The following CERK variants were observed in gnomAD, a reference collection of about 807,000 sequenced individuals.
CERK encodes the protein acylsphingosine kinase.
Under a neutral mutation model 63.4 loss-of-function variants are expected in CERK, and 39 were observed. That is an observed-to-expected ratio of 0.61 (90% CI 0.48 to 0.80). CERK has a LOEUF of 0.80. Among genes scored for constraint, CERK ranks in the 30% least tolerant of loss-of-function variants. CERK has a pLI of 0.00. For missense variants in CERK, 670 were observed against 714.1 expected (o/e 0.94, Z 0.70); for synonymous variants, 302 against 280.0 (o/e 1.08, Z -0.78).
intron 1 of CERK, among the ~76,000 whole-genome samples, chr22:46,732,438 G>C (rs372016069): frequency 6.6e-5 from 10 of 151,914 alleles, no homozygotes; most frequent in Non-Finnish European, 1.0e-4. Context: ...TAAATTGGGT[G>C]GGGGGGACGG....
At chr22:46,735,810 C>T (rs1165952883) in intron 1 of CERK, among the ~76,000 whole-genome samples, 1 of 152,216 alleles carries the variant, frequency 6.6e-6, no homozygotes, top group African/African-American at 2.4e-5. Context: ...CCTACTATGG[C>T]CCTACTGACC....
At chr22:46,704,247 C>T (rs73180678) in intron 6 of CERK, among the ~76,000 whole-genome samples, 3 of 152,198 alleles carry the variant, frequency 2.0e-5, no homozygotes, top group East Asian at 1.9e-4. Flanking sequence ...TGCATCCCCA[C>T]GAGCACTCCT....
intron 6 of CERK, among the ~76,000 whole-genome samples, chr22:46,707,217 C>T (rs938180850): frequency 2.9e-5 from 4 of 135,920 alleles, no homozygotes; most frequent in African/African-American, 8.6e-5. Context: ...AGAGGACAGA[C>T]ACCTCGTCCC....
chr22:46,723,707 TTC>T lies in CERK; in HGVS notation c.143-2694_143-2693del, dbSNP rs532161882. On this transcript the variant is annotated intron_variant, in intron 1 of 12. Transcript: ENST00000216264. ...AAGGGTCCACTAATGTGGGGTTTTC[TTC>T]TTTTTTTTTTGTTTTTGAAATGGAG... Among the ~76,000 whole-genome samples the T allele has an allele frequency of 2.2e-4, 34 of 152,060 alleles. No individual in the cohort carries two copies. In the East Asian group the frequency reaches 6.2e-3, roughly 28 times the overall value.
chr22:46,693,601 GA>G (rs1312232816), intron 9 of CERK, 98 bp from the exon 10 acceptor site: 2 of 1,038,088 alleles, frequency 1.9e-6, no homozygotes, highest in Non-Finnish European at 2.9e-6. Flanking sequence ...TTTCACATAC[GA>G]AAAAATTCCA....
chr22:46,701,418 C>T (rs565666159), intron 7 of CERK, among the ~76,000 whole-genome samples: 1 of 152,280 alleles, frequency 6.6e-6, no homozygotes, highest in African/African-American at 2.4e-5. Context: ...TCGGCCCACA[C>T]TGGGCGTGCC....
intron 1 of CERK, among the ~76,000 whole-genome samples, chr22:46,725,468 C>G (rs1408757430): frequency 1.3e-5 from 2 of 152,122 alleles, no homozygotes; most frequent in South Asian, 4.1e-4. Context: ...ATTGCCGGCA[C>G]CAAGCAGCAT....
chr22:46,702,223 A>ATGTG (rs34222392), intron 6 of CERK, among the ~76,000 whole-genome samples: 3,268 of 84,612 alleles, frequency 0.039, 87 homozygotes, highest in Middle Eastern at 0.066. Context: ...AAATATATAT[A>ATGTG]TGTGTGTGTG....
At chr22:46,691,450 A>G (rs7285435) in intron 11 of CERK, 122 bp downstream of exon 11, 77,511 of 775,722 alleles carry the variant, frequency 0.1, 4,926 homozygotes, top group Admixed American at 0.18. Flanking sequence ...AAATTAAAAA[A>G]AAAAAAGTTT....
intron 11 of CERK, among the ~76,000 whole-genome samples, chr22:46,690,969 ATATG>A (rs749108948): frequency 1.6e-4 from 24 of 151,668 alleles, no homozygotes; most frequent in Middle Eastern, 3.2e-3. Flanking sequence ...ATGTGTGTGT[ATATG>A]TATGTATGTG....
chr22:46,690,286 G>T, intron 11 of CERK, 86 bp from the exon 12 acceptor site: 137 of 983,918 alleles, frequency 1.4e-4, no homozygotes, highest in Middle Eastern at 2.4e-4. Context: ...CTGACAGCGA[G>T]CGCTGTCAGG....
chr22:46,733,399 T>C (rs1235979459), intron 1 of CERK, among the ~76,000 whole-genome samples: 6 of 150,864 alleles, frequency 4.0e-5, no homozygotes, highest in African/African-American at 1.5e-4. Context: ...GTTCAAGAGA[T>C]TCTCGTGCCT....
At chr22:46,716,865 G>T (rs1344438995) in intron 3 of CERK, among the ~76,000 whole-genome samples, 3 of 151,942 alleles carry the variant, frequency 2.0e-5, no homozygotes, top group Non-Finnish European at 4.4e-5. Flanking sequence ...AACCCAGGAG[G>T]CAGAGGTTGC....
In CERK at chr22:46,686,855, T is replaced by C. The variant is rs1041375476; in HGVS notation, c.*279A>G. On this transcript the variant is annotated 3_prime_UTR_variant, in exon 13 of 13. Transcript: ENST00000216264. ...TAACGGGCCATTTTCTAAACTACAC[T>C]GTTGACATCGTTAAAACCTAAGAGG... 4.8e-6 allele frequency: 2 copies of C among 419,696 alleles called. No individual in the cohort carries two copies. Among genetic ancestry groups the C allele is most frequent in the African/African-American group, 4.0e-5 (2 of 50,158 alleles). The allele number at this position is 419,696 out of a possible 1,614,324, so 26.0% of individuals were successfully genotyped here. A position where few individuals can be genotyped will look rare whatever the true frequency, so the allele number is the denominator to read the frequency against.
chr22:46,717,435 C>T (rs112112324), intron 3 of CERK, among the ~76,000 whole-genome samples: 3,575 of 152,344 alleles, frequency 0.023, 36 homozygotes, highest in Non-Finnish European at 0.028. Context: ...TCACGGAATA[C>T]CATACGGCCT....
intron 1 of CERK, among the ~76,000 whole-genome samples, chr22:46,730,723 T>C (rs759067240): frequency 2.0e-5 from 3 of 152,166 alleles, no homozygotes; most frequent in Non-Finnish European, 4.4e-5. Context: ...GAAACAAATA[T>C]AAGAAGACTC....
chr22:46,715,023 T>C (rs770981261), intron 3 of CERK, among the ~76,000 whole-genome samples: 4 of 151,240 alleles, frequency 2.6e-5, no homozygotes, highest in Non-Finnish European at 5.9e-5. Flanking sequence ...TCTCAATAGA[T>C]GCAGAAAAGG....
At chr22:46,736,320 T>C (rs1856750819) in intron 1 of CERK, among the ~76,000 whole-genome samples, 1 of 152,246 alleles carries the variant, frequency 6.6e-6, no homozygotes, top group Non-Finnish European at 1.5e-5. Context: ...ACAGATGCCC[T>C]GTAAGGGTCT....
chr22:46,718,248 G>GTCT (rs1205881210), intron 3 of CERK, among the ~76,000 whole-genome samples: 5 of 152,172 alleles, frequency 3.3e-5, no homozygotes, highest in Non-Finnish European at 7.3e-5. Context: ...TCCAGTGGGA[G>GTCT]GCAGGGTTCA....
Sources: gnomAD v4.1 joint callset for allele counts (sites outside exome capture counted in the v4.1 genomes callset) on GRCh38, gnomAD v4.1.1 for gene constraint, MANE v1.5 for transcripts, NCBI Gene and HGNC (gene_info 2026-07-23, HGNC 2026-07-21) for gene names.